PRKN: variants seen among roughly 807,000 people sequenced by gnomAD.
PRKN encodes E3 ubiquitin-protein ligase parkin.
A neutral mutation model predicts 59.5 loss-of-function variants in PRKN; 56 were observed. The observed-to-expected ratio is 0.94, with a 90% CI of 0.76 to 1.18. PRKN has a LOEUF of 1.18. Ranked by LOEUF, PRKN falls within the 50% of genes most tolerant of loss-of-function variation. The pLI is 0.00. For missense variants in PRKN, 657 were observed against 596.4 expected, an observed-to-expected ratio of 1.10 and a Z score of -1.06; for synonymous variants, 250 against 222.1, an observed-to-expected ratio of 1.13 and a Z score of -1.12.
intron 7 of PRKN, among the ~76,000 whole-genome samples, chr6:161,674,671 A>T (rs1257535225): frequency 6.6e-6 from 1 of 152,240 alleles, no homozygotes. Flanking sequence ...TAACACTGAC[A>T]TTTATGATCA....
intron 9 of PRKN, among the ~76,000 whole-genome samples, chr6:161,465,611 A>G (rs1790426839): frequency 6.6e-6 from 1 of 152,098 alleles, no homozygotes; most frequent in African/African-American, 2.4e-5. Flanking sequence ...TCTCCATACA[A>G]TGAGGTTCCC....
intron 7 of PRKN, among the ~76,000 whole-genome samples, chr6:161,654,846 C>A (rs1283454745): frequency 6.6e-6 from 1 of 152,186 alleles, no homozygotes; most frequent in East Asian, 1.9e-4. Flanking sequence ...CTGGGAGGGA[C>A]CCTTTCAGAA....
chr6:162,012,167 C>T (rs963125382), intron 5 of PRKN, among the ~76,000 whole-genome samples: 5 of 152,054 alleles, frequency 3.3e-5, no homozygotes, highest in Admixed American at 6.6e-5. Flanking sequence ...GATGCCAAAG[C>T]CCATATTTGA....
At chr6:162,010,313 T>A (rs1185819647) in intron 5 of PRKN, among the ~76,000 whole-genome samples, 32 of 124,748 alleles carry the variant, frequency 2.6e-4, no homozygotes, top group African/African-American at 9.4e-4. Flanking sequence ...TTATATATAT[T>A]TTATATATTT....
chr6:162,541,164 G>C (rs188821768), intron 1 of PRKN, among the ~76,000 whole-genome samples: 5 of 152,284 alleles, frequency 3.3e-5, no homozygotes, highest in Admixed American at 2.0e-4. Context: ...GCAGTACAAT[G>C]GTGTATAAAG....
chr6:161,876,201 GCTT>G (rs1289682046), intron 6 of PRKN, among the ~76,000 whole-genome samples: 3 of 152,056 alleles, frequency 2.0e-5, no homozygotes, highest in African/African-American at 7.2e-5. Context: ...TTATTACACT[GCTT>G]CTTCTGGGTA....
intron 7 of PRKN, among the ~76,000 whole-genome samples, chr6:161,577,302 A>G (rs567315183): frequency 2.0e-5 from 3 of 152,368 alleles, no homozygotes; most frequent in Admixed American, 1.3e-4. Context: ...AAAGCCGGGT[A>G]GTGTGTACAT....
chr6:162,671,626 G>A lies in PRKN; in HGVS notation c.7+56036C>T, dbSNP rs182631587. On this transcript the variant is annotated intron_variant, in intron 1 of 11. Transcript: ENST00000366898. ...CATTTGTGCAGTAATCAAAAATTCC[G>A]AAATCATAGAAGAATTTACCAGTCA... is the stretch of plus-strand genomic sequence containing the variant. Among the ~76,000 whole-genome samples the A allele has an allele frequency of 2.6e-4, 39 of 151,718 alleles. No individual in the cohort carries two copies. The East Asian group carries it at 5.8e-3, about 23-fold the overall frequency.
intron 7 of PRKN, among the ~76,000 whole-genome samples, chr6:161,589,353 T>A (rs550988981): frequency 6.6e-6 from 1 of 152,322 alleles, no homozygotes; most frequent in Admixed American, 6.5e-5. Context: ...ACTCTAAGGA[T>A]TTAGTCGGTG....
intron 6 of PRKN, among the ~76,000 whole-genome samples, chr6:161,807,422 C>G (rs1381937447): frequency 2.0e-5 from 3 of 152,144 alleles, no homozygotes; most frequent in Non-Finnish European, 2.9e-5. Flanking sequence ...TAAACAGACA[C>G]ATATACACAT....
chr6:162,130,057 A>G (rs1036770449), intron 4 of PRKN, among the ~76,000 whole-genome samples: 2 of 152,158 alleles, frequency 1.3e-5, no homozygotes, highest in African/African-American at 4.8e-5. Flanking sequence ...AGAACAAAAC[A>G]GCTCTCCAAC....
intron 7 of PRKN, among the ~76,000 whole-genome samples, chr6:161,678,798 C>T (rs187152657): frequency 2.0e-5 from 3 of 152,204 alleles, no homozygotes; most frequent in Admixed American, 6.5e-5. Flanking sequence ...AACTCCTGAG[C>T]TCAGGCAATC....
intron 5 of PRKN, among the ~76,000 whole-genome samples, chr6:162,036,448 C>T (rs1200714077): frequency 1.3e-5 from 2 of 151,808 alleles, no homozygotes; most frequent in Non-Finnish European, 2.9e-5. Context: ...GGCAGGATCT[C>T]GGCTCACTGC....
chr6:162,415,114 T>C (rs866979081), intron 2 of PRKN, among the ~76,000 whole-genome samples: 43 of 152,174 alleles, frequency 2.8e-4, no homozygotes, highest in South Asian at 1.2e-3. Flanking sequence ...AAATCGAAGA[T>C]GCGGCAGAAC....
At chr6:161,768,793 T>C (rs1261823030) in intron 7 of PRKN, among the ~76,000 whole-genome samples, 4 of 152,182 alleles carry the variant, frequency 2.6e-5, no homozygotes, top group Non-Finnish European at 5.9e-5. Flanking sequence ...CTGCAGCCTA[T>C]TCAGAATACA....
intron 5 of PRKN, among the ~76,000 whole-genome samples, chr6:162,041,598 C>T (rs1053739142): frequency 1.3e-5 from 2 of 152,088 alleles, no homozygotes; most frequent in Non-Finnish European, 2.9e-5. Context: ...TTTTTGAGGT[C>T]CACCTGTCGT....
In PRKN at chr6:162,140,725, A is replaced by T. The variant is rs189660228; in HGVS notation, c.534+60406T>A. ...CAGTTCCACAAATGAAAGCAATTTA[A>T]TGCAGGTGGATTGGGTCAGGAATAT... On this transcript the variant is annotated intron_variant, in intron 4 of 11. Transcript: ENST00000366898. Among the ~76,000 whole-genome samples, 126 of 39,428 alleles carry T rather than the reference A, an allele frequency of 3.2e-3. 1 individual carries two copies. The highest frequency in any genetic ancestry group is 0.016 in the Middle Eastern group (1 of 64). The allele number at this position is 39,428 out of a possible 152,430, so 25.9% of individuals were successfully genotyped here. A position where few individuals can be genotyped will look rare whatever the true frequency, so the allele number is the denominator to read the frequency against.
chr6:161,950,512 T>A (rs1583394291), intron 6 of PRKN, among the ~76,000 whole-genome samples: 1 of 152,120 alleles, frequency 6.6e-6, no homozygotes, highest in Admixed American at 6.5e-5. Context: ...GCCACTGCAC[T>A]CCAGCCTGGG....
At chr6:161,746,327 G>A (rs1488233082) in intron 7 of PRKN, among the ~76,000 whole-genome samples, 1 of 151,972 alleles carries the variant, frequency 6.6e-6, no homozygotes, top group Non-Finnish European at 1.5e-5. Flanking sequence ...AGACCCAGCT[G>A]TGGGGGACTA....
Sources: gnomAD v4.1 joint callset for allele counts (sites outside exome capture counted in the v4.1 genomes callset) on GRCh38, gnomAD v4.1.1 for gene constraint, MANE v1.5 for transcripts, NCBI Gene and HGNC (gene_info 2026-07-23, HGNC 2026-07-21) for gene names.